Variants in CEP350 observed in about 807,000 individuals in gnomAD.
The protein encoded by CEP350 is centrosome-associated protein 350.
A neutral mutation model predicts 331.8 loss-of-function variants in CEP350; 126 were observed. That is an observed-to-expected ratio of 0.38 (90% CI 0.33 to 0.44). The LOEUF (loss-of-function observed/expected upper bound fraction) is 0.44. CEP350 is among the 20% of genes least tolerant of loss of function. CEP350 has a pLI of 1.00. For missense variants in CEP350, 3,406 were observed against 3,634.6 expected, an observed-to-expected ratio of 0.94 and a Z score of 1.62; for synonymous variants, 1,200 against 1,259.5, an observed-to-expected ratio of 0.95 and a Z score of 1.00.
chr1:179,961,276 T>C (rs1432529902), intron 1 of CEP350, among the ~76,000 whole-genome samples: 2 of 152,016 alleles, frequency 1.3e-5, no homozygotes, highest in Non-Finnish European at 2.9e-5. Flanking sequence ...TGAAACACCA[T>C]CTCTACTAAA....
At chr1:180,056,469 C>CCT (rs1553260556) in intron 25 of CEP350, among the ~76,000 whole-genome samples, 1 of 104,746 alleles carries the variant, frequency 9.5e-6, no homozygotes, top group Non-Finnish European at 1.9e-5. Context: ...TGCCCCTCCC[C>CCT]CCCCCCCTTT....
chr1:179,987,423 A>G, intron 3 of CEP350, 137 bp downstream of exon 3: 2 of 217,350 alleles, frequency 9.2e-6, no homozygotes, highest in African/African-American at 2.4e-5. Context: ...ATATTATTAT[A>G]TATACTATAT....
intron 11 of CEP350, among the ~76,000 whole-genome samples, chr1:180,018,517 T>G (rs1364351651): frequency 6.6e-6 from 1 of 152,212 alleles, no homozygotes; most frequent in Non-Finnish European, 1.5e-5. Flanking sequence ...CCTCACACTT[T>G]GCATTTGTAA....
At chr1:180,074,990 C>T (rs1484598835) in intron 27 of CEP350, 32 bp from the exon 28 acceptor site, 3 of 1,562,638 alleles carry the variant, frequency 1.9e-6, no homozygotes, top group Admixed American at 2.0e-5. Context: ...TAGGTTTTTT[C>T]TCTCAAACTG....
At chr1:180,032,311 C>T (rs1255926721) in intron 15 of CEP350, among the ~76,000 whole-genome samples, 1 of 151,964 alleles carries the variant, frequency 6.6e-6, no homozygotes, top group Non-Finnish European at 1.5e-5. Flanking sequence ...ATAAAGATTA[C>T]CATTTTTAGT....
Position 180,095,764 on chromosome 1 carries a change from A to G in CEP350, c.8753A>G (p.His2918Arg), listed in dbSNP as rs1305407661. Reference sequence around the variant, plus strand: ...TGTGAAACATTATTGGCAGTCCCCCATACTGCAGAAGAAGTAGAGATTCTT... The same window carrying G: ...TGTGAAACATTATTGGCAGTCCCCCGTACTGCAGAAGAAGTAGAGATTCTT... ...QPCETLLAVP[H>R]TAEEVEILVH... Residue 2918 changes from histidine (H) to arginine (R), a missense_variant, in exon 35 of 38, where the codon CAT becomes CGT. His to Arg is a conservative substitution (Grantham distance 29). This residue lies in a region of CEP350 where 1,415 missense variants were observed against 1,512.3 expected (regional missense o/e 0.94). Coordinates refer to ENST00000367607, the MANE Select transcript of CEP350 (RefSeq NM_014810.5). 1 of 1,614,026 alleles carries G rather than the reference A, an allele frequency of 6.2e-7. No homozygotes were observed. The highest frequency in any genetic ancestry group is 8.5e-7 in the Non-Finnish European group (1 of 1,179,884).
Position 180,041,124 on chromosome 1 carries a change from C to A in CEP350, c.4111-14C>A, listed in dbSNP as rs376497311. 64 of 1,561,720 alleles carry A rather than the reference C, an allele frequency of 4.1e-5. No homozygotes were observed. The highest frequency in any genetic ancestry group is 5.1e-5 in the Non-Finnish European group (59 of 1,148,710). On this transcript the variant is annotated splice_polypyrimidine_tract_variant and intron_variant, in intron 17 of 37. Coordinates refer to ENST00000367607, the MANE Select transcript of CEP350 (RefSeq NM_014810.5). ...TTCGTATCTGAGAATTAACATTTGACCATTATTTTGAAGGCACAACAGCAA... is the reference window on the plus strand; with the variant it reads ...TTCGTATCTGAGAATTAACATTTGAACATTATTTTGAAGGCACAACAGCAA...
chr1:180,012,779 T>A (rs569553202), intron 9 of CEP350, among the ~76,000 whole-genome samples: 22 of 152,354 alleles, frequency 1.4e-4, no homozygotes, highest in African/African-American at 4.6e-4. Flanking sequence ...ACATATACAA[T>A]ACTTTGTATT....
rs1661587939 is a variant in CEP350, at chr1:180,114,515, T to C, written c.*3354T>C. 1 of 152,684 alleles carries C rather than the reference T, an allele frequency of 6.5e-6. No individual in the cohort carries two copies. Among genetic ancestry groups the C allele is most frequent in the South Asian group, 2.1e-4 (1 of 4,834 alleles). The allele number at this position is 152,684 out of a possible 1,614,324, so 9.5% of individuals were successfully genotyped here. ...ATGTAAACTGATGTAAAGGAGGTACTGTCATTTTAATTAACCTATGTTTAA... is the reference window on the plus strand; with the variant it reads ...ATGTAAACTGATGTAAAGGAGGTACCGTCATTTTAATTAACCTATGTTTAA... On this transcript the variant is annotated 3_prime_UTR_variant, in exon 38 of 38. Coordinates refer to ENST00000367607, the MANE Select transcript of CEP350 (RefSeq NM_014810.5).
intron 8 of CEP350, among the ~76,000 whole-genome samples, chr1:180,010,503 A>G (rs1163707974): frequency 1.3e-5 from 2 of 150,598 alleles, no homozygotes; most frequent in East Asian, 3.9e-4. Flanking sequence ...AGCATTGACT[A>G]TTAATGTAAA....
chr1:180,001,967 C>G (rs1653891793), intron 6 of CEP350, among the ~76,000 whole-genome samples: 1 of 152,182 alleles, frequency 6.6e-6, no homozygotes, highest in South Asian at 2.1e-4. Flanking sequence ...TGTTAACATA[C>G]TATGTGGTAG....
intron 5 of CEP350, among the ~76,000 whole-genome samples, chr1:179,994,186 A>C (rs1571835093): frequency 6.6e-6 from 1 of 152,290 alleles, no homozygotes; most frequent in Non-Finnish European, 1.5e-5. Context: ...GAGTGAGTGA[A>C]TGAAAGACTG....
intron 32 of CEP350, among the ~76,000 whole-genome samples, chr1:180,090,323 G>C (rs1660096193): frequency 6.6e-6 from 1 of 151,664 alleles, no homozygotes; most frequent in African/African-American, 2.4e-5. Flanking sequence ...GAGGCGGGCG[G>C]ATCATGAGAT....
At chr1:180,068,673 T>C (rs1296705826) in intron 27 of CEP350, among the ~76,000 whole-genome samples, 2 of 152,200 alleles carry the variant, frequency 1.3e-5, no homozygotes, top group East Asian at 3.8e-4. Context: ...CACTGCATTT[T>C]TTCTTTCATT....
intron 30 of CEP350, among the ~76,000 whole-genome samples, 159 bp from the exon 31 acceptor site, chr1:180,083,859 T>C (rs1344339432): frequency 6.6e-6 from 1 of 152,180 alleles, no homozygotes; most frequent in Admixed American, 6.5e-5. Flanking sequence ...ATTATAGGGA[T>C]ACATTTTAGT....
chr1:180,024,288 T>TAATA (rs149086357), intron 13 of CEP350, 131 bp from the exon 14 acceptor site: 15,944 of 727,026 alleles, frequency 0.022, 355 homozygotes, highest in African/African-American at 0.071. Context: ...TAAAAAAAAA[T>TAATA]AATAAAGTGT....
rs538877906 is a variant in CEP350 at position 179,955,009 on chromosome 1, G to A, written c.-147G>A. On this transcript the variant is annotated 5_prime_UTR_variant, in exon 1 of 38. Coordinates refer to ENST00000367607, the MANE Select transcript of CEP350 (RefSeq NM_014810.5). ...GGATCCCCGGAGCCGGTGCGAGGAG[G>A]GCACCCGGTGCGTCCCCGGAGCGGG... The A allele has an allele frequency of 1.1e-5, 15 of 1,308,498 alleles. No homozygotes were observed. The East Asian group carries it at 2.8e-4, about 25-fold the overall frequency. The allele number at this position is 1,308,498 out of a possible 1,614,324, so 81.1% of individuals were successfully genotyped here. A position where few individuals can be genotyped will look rare whatever the true frequency, so the allele number is the denominator to read the frequency against.
intron 17 of CEP350, among the ~76,000 whole-genome samples, chr1:180,040,829 T>G (rs1656714469): frequency 6.6e-6 from 1 of 152,236 alleles, no homozygotes; most frequent in East Asian, 1.9e-4. Context: ...CATAGGACAT[T>G]TTTTATCCCT....
intron 4 of CEP350, among the ~76,000 whole-genome samples, chr1:179,991,483 T>C (rs1001282532): frequency 5.9e-5 from 9 of 151,304 alleles, no homozygotes; most frequent in African/African-American, 2.2e-4. Context: ...AGAGATGGGG[T>C]TTCACCATGT....
Sources: allele counts gnomAD v4.1 joint callset (sites outside exome capture counted in the v4.1 genomes callset), GRCh38; gene constraint gnomAD v4.1.1; regional missense constraint gnomAD v4.1.1; transcripts MANE v1.5; gene names NCBI Gene and HGNC (gene_info 2026-07-23, HGNC 2026-07-21).